The following RBFOX1 variants were observed in gnomAD, a reference collection of about 807,000 sequenced individuals.
The protein encoded by RBFOX1 is RNA binding fox-1 homolog 1, also known as RNA binding protein fox-1 homolog 1.
In RBFOX1, 8 loss-of-function variants were observed where a neutral mutation model predicts 57.7. The observed-to-expected ratio is 0.14, with a 90% confidence interval of 0.08 to 0.25. The LOEUF is 0.25. RBFOX1 is among the 10% of genes least tolerant of loss of function. The pLI, the probability that RBFOX1 is intolerant of heterozygous loss-of-function variation, is 1.00. For synonymous variants in RBFOX1, 326 were observed against 222.4 expected, an observed-to-expected ratio of 1.47 and a Z score of -4.15; for missense variants, 611 against 548.5, an observed-to-expected ratio of 1.11 and a Z score of -1.14.
chr16:7,150,548 T>G (rs762468729), intron 4 of RBFOX1, among the ~76,000 whole-genome samples: 2 of 152,190 alleles, frequency 1.3e-5, no homozygotes, highest in African/African-American at 4.8e-5. Context: ...TACCGTGTGA[T>G]CAACTCTTAA....
intron 1 of RBFOX1, among the ~76,000 whole-genome samples, chr16:5,361,360 C>G (rs2065546015): frequency 6.6e-6 from 1 of 152,072 alleles, no homozygotes; most frequent in Admixed American, 6.5e-5. Flanking sequence ...ACCCAGAGGT[C>G]TAGGTTATAA....
chr16:7,271,906 T>C (rs909496000), intron 4 of RBFOX1, among the ~76,000 whole-genome samples: 2 of 152,158 alleles, frequency 1.3e-5, no homozygotes, highest in African/African-American at 2.4e-5. Flanking sequence ...TTGACATCCA[T>C]GAGTGCCCCA....
intron 3 of RBFOX1, among the ~76,000 whole-genome samples, chr16:6,829,534 A>G (rs1026883172): frequency 8.5e-5 from 13 of 152,184 alleles, no homozygotes; most frequent in Admixed American, 4.6e-4. Flanking sequence ...GTATGACAAA[A>G]TAAGTACCAT....
At chr16:5,626,723 T>C (rs2048360575) in intron 3 of RBFOX1, among the ~76,000 whole-genome samples, 1 of 152,196 alleles carries the variant, frequency 6.6e-6, no homozygotes, top group Admixed American at 6.5e-5. Flanking sequence ...ATGAGTTTCC[T>C]TACTTTCTGG....
chr16:7,409,120 A>C (rs749607451), intron 4 of RBFOX1, among the ~76,000 whole-genome samples: 48 of 152,348 alleles, frequency 3.2e-4, no homozygotes, highest in Non-Finnish European at 4.7e-4. Context: ...GCTCTAAGCC[A>C]GATCAGCAGA....
chr16:6,374,164 A>C (rs774421432), intron 2 of RBFOX1, among the ~76,000 whole-genome samples: 3 of 152,232 alleles, frequency 2.0e-5, no homozygotes, highest in African/African-American at 4.8e-5. Flanking sequence ...GTCTCTGGAT[A>C]TTCAGTTGCC....
At chr16:5,309,082 G>C (rs908494829) in intron 1 of RBFOX1, among the ~76,000 whole-genome samples, 2 of 152,066 alleles carry the variant, frequency 1.3e-5, no homozygotes, top group African/African-American at 2.4e-5. Flanking sequence ...CACACTCCAC[G>C]AATTTGTTAA....
intron 3 of RBFOX1, among the ~76,000 whole-genome samples, chr16:6,785,409 G>C (rs2154241364): frequency 6.6e-6 from 1 of 152,236 alleles, no homozygotes; most frequent in Non-Finnish European, 1.5e-5. Flanking sequence ...AGAGGTCACT[G>C]TTTTTAGGCT....
At chr16:6,389,891 T>C (rs2092507954) in intron 2 of RBFOX1, among the ~76,000 whole-genome samples, 1 of 152,308 alleles carries the variant, frequency 6.6e-6, no homozygotes, top group East Asian at 1.9e-4. Context: ...GAGCTACTTA[T>C]GTGTACTGCC....
At chr16:6,076,005 A>G (rs1446198356) in intron 1 of RBFOX1, among the ~76,000 whole-genome samples, 1 of 152,128 alleles carries the variant, frequency 6.6e-6, no homozygotes, top group African/African-American at 2.4e-5. Context: ...TTGCTCTTAA[A>G]ACACAGCTCT....
intron 4 of RBFOX1, among the ~76,000 whole-genome samples, chr16:7,380,385 C>T (rs535289714): frequency 6.6e-6 from 1 of 152,122 alleles, no homozygotes; most frequent in South Asian, 2.1e-4. Context: ...ACATTTAGAA[C>T]ATATATGCTT....
chr16:6,490,701 A>T (rs942995674), intron 2 of RBFOX1, among the ~76,000 whole-genome samples: 4 of 152,212 alleles, frequency 2.6e-5, no homozygotes, highest in Non-Finnish European at 5.9e-5. Context: ...ATGGAGCAAT[A>T]TTAAAGTCTC....
intron 4 of RBFOX1, among the ~76,000 whole-genome samples, chr16:5,935,303 T>TGCCACATGGG (rs1231143991): frequency 6.6e-6 from 1 of 152,144 alleles, no homozygotes; most frequent in Admixed American, 6.5e-5. Context: ...GGGCAGGCCA[T>TGCCACATGGG]GCCACATGGG....
At chr16:7,336,999 A>G (rs2144822467) in intron 4 of RBFOX1, among the ~76,000 whole-genome samples, 1 of 152,328 alleles carries the variant, frequency 6.6e-6, no homozygotes, top group Admixed American at 6.5e-5. Flanking sequence ...CATAATCAGC[A>G]TTTCCACTGA....
chr16:7,652,573 A>G (rs568843093), intron 11 of RBFOX1, among the ~76,000 whole-genome samples: 61 of 151,906 alleles, frequency 4.0e-4, no homozygotes, highest in Non-Finnish European at 6.8e-4. Flanking sequence ...ACGCCTGACC[A>G]ATTTTTGTAT....
intron 3 of RBFOX1, among the ~76,000 whole-genome samples, chr16:7,022,628 G>T (rs1383102348): frequency 6.6e-6 from 1 of 152,082 alleles, no homozygotes; most frequent in Admixed American, 6.6e-5. Flanking sequence ...CACTGCAGTA[G>T]GCTCTGGATA....
intron 3 of RBFOX1, among the ~76,000 whole-genome samples, chr16:6,777,815 G>A (rs1341975022): frequency 6.6e-6 from 1 of 152,062 alleles, no homozygotes; most frequent in Non-Finnish European, 1.5e-5. Context: ...TTGTCATCAA[G>A]CTTTCCAGTT....
chr16:5,638,339 T>C (rs1338858602), intron 3 of RBFOX1, among the ~76,000 whole-genome samples: 1 of 152,164 alleles, frequency 6.6e-6, no homozygotes, highest in Non-Finnish European at 1.5e-5. Flanking sequence ...ACAGAGGTGA[T>C]TAAAGATGCT....
At chr16:7,283,693 C>G (rs1279770493) in intron 4 of RBFOX1, among the ~76,000 whole-genome samples, 1 of 152,096 alleles carries the variant, frequency 6.6e-6, no homozygotes, top group Admixed American at 6.5e-5. Context: ...ATTGTTGCTT[C>G]TTAGGGTCAC....
Sources: gnomAD v4.1 joint callset for allele counts (sites outside exome capture counted in the v4.1 genomes callset) on GRCh38, gnomAD v4.1.1 for gene constraint, MANE v1.5 for transcripts, NCBI Gene and HGNC (gene_info 2026-07-23, HGNC 2026-07-21) for gene names.